SEC24C: variants seen among roughly 807,000 people sequenced by gnomAD.
SEC24C encodes protein transport protein Sec24C.
A neutral mutation model predicts 117.0 loss-of-function variants in SEC24C; 22 were observed. That is an observed-to-expected ratio of 0.19 (90% CI 0.13 to 0.27). The LOEUF (loss-of-function observed/expected upper bound fraction) is 0.27, where lower values mean the gene tolerates loss of function less well. Ranked by LOEUF, SEC24C falls within the 10% of genes least tolerant of loss-of-function variation. SEC24C has a pLI of 1.00. For missense variants in SEC24C, 1,155 were observed against 1,375.1 expected (o/e 0.84, Z 2.53); for synonymous variants, 506 against 529.4 (o/e 0.96, Z 0.61).
At chr10:73,752,170 A>G (rs1404071931) in intron 3 of SEC24C, 1 of 152,040 alleles carries the variant, frequency 6.6e-6, no homozygotes, top group Non-Finnish European at 1.5e-5. Flanking sequence ...GGCCCAAGCT[A>G]GAGTGCAGTG....
At chr10:73,757,864 C>T (rs2082733893) in intron 3 of SEC24C, among the ~76,000 whole-genome samples, 1 of 139,002 alleles carries the variant, frequency 7.2e-6, no homozygotes, top group African/African-American at 2.7e-5. Context: ...TGCAGTGAGC[C>T]ACAGATAGTG....
chr10:73,758,630 T>C (rs374560098), intron 3 of SEC24C, among the ~76,000 whole-genome samples: 5 of 152,376 alleles, frequency 3.3e-5, no homozygotes, highest in African/African-American at 1.2e-4. Context: ...TTCCCTATTC[T>C]GGACTTTTCA....
In SEC24C at chr10:73,760,373, G is replaced by A; in HGVS notation, c.837G>A (p.Gln279=). ...ACTCCCCGCAGCAGCCAGGCTATCA[G>A]CCCCAACAAAATGGTGAGTCTTTCC... is the stretch of plus-strand genomic sequence containing the variant. ...PMHSPQQPGY[Q]PQQNGSFGPA... The change falls in exon 5 of 23, where the codon CAG becomes CAA. Residue 279 remains glutamine (Q), a synonymous_variant. Transcript: ENST00000345254. 6.3e-7 allele frequency: 1 copy of A among 1,592,614 alleles called. No homozygotes were observed. The highest frequency in any genetic ancestry group is 8.5e-7 in the Non-Finnish European group (1 of 1,170,696).
At position 73,760,841 on chromosome 10, in the gene SEC24C, C is replaced by G; in HGVS notation, c.979C>G (p.Pro327Ala). ...TAAGCGCCTGGACCCTGATGCCATC[C>G]CAAGCCCTGTAAGTAGAAACTTTCA... ...PPKRLDPDAI[P>A]SPIQVIEDDR... Residue 327 changes from proline to alanine, a missense_variant, in exon 6 of 23, where the codon CCA becomes GCA. Around this residue, in one of 2 missense-constraint regions of SEC24C, gnomAD observed 759 missense variants for 992.3 expected, o/e 0.76. Transcript: ENST00000345254. 6.2e-7 allele frequency: 1 copy of G among 1,610,408 alleles called. No individual in the cohort carries two copies. Among genetic ancestry groups the G allele is most frequent in the South Asian group, 1.1e-5 (1 of 90,492 alleles).
chr10:73,744,650 C>G (rs1042135916), intron 1 of SEC24C, among the ~76,000 whole-genome samples: 2 of 152,140 alleles, frequency 1.3e-5, no homozygotes, highest in African/African-American at 2.4e-5. Context: ...CTTCCTGCCC[C>G]GAGCCTGTTA....
At chr10:73,763,667 C>CTTTGTTTTTTTT (rs2082832114) in intron 7 of SEC24C, 66 bp downstream of exon 7, 1 of 58,202 alleles carries the variant, frequency 1.7e-5, no homozygotes, top group African/African-American at 1.2e-4. Context: ...ATGGTTGGGG[C>CTTTGTTTTTTTT]TTTTTTTTTT....
At chr10:73,766,638 A>C (rs1018619626) in intron 12 of SEC24C, 97 bp downstream of exon 12, 1 of 1,464,162 alleles carries the variant, frequency 6.8e-7, no homozygotes, top group African/African-American at 1.4e-5. Flanking sequence ...GTAGATGGAA[A>C]GGGGTTGTGG....
At chr10:73,762,924 A>G (rs1302299454) in intron 6 of SEC24C, among the ~76,000 whole-genome samples, 1 of 152,190 alleles carries the variant, frequency 6.6e-6, no homozygotes, top group Non-Finnish European at 1.5e-5. Context: ...ATTGATGCTT[A>G]CCTGAAAGTA....
At chr10:73,753,551 C>T (rs1229887683) in intron 3 of SEC24C, among the ~76,000 whole-genome samples, 1 of 152,130 alleles carries the variant, frequency 6.6e-6, no homozygotes, top group Non-Finnish European at 1.5e-5. Flanking sequence ...GCTTGTTGTC[C>T]TAGCTACTTT....
rs112709806 is a variant in SEC24C at position 73,770,538 on chromosome 10, TA to T, written c.3054+68del. 2.1e-3 allele frequency: 3,339 copies of T among 1,571,248 alleles called. 60 individuals are homozygous for T. In the African/African-American group the frequency reaches 0.039, roughly 18 times the overall value. Reference sequence around the variant, plus strand: ...ACTTTGTGAAACAATTGGGAGCCAATATAGTTAGTGTGCTAGTACCCTCAAA... The same window carrying T: ...ACTTTGTGAAACAATTGGGAGCCAATTAGTTAGTGTGCTAGTACCCTCAAA... On this transcript the variant is annotated intron_variant, in intron 21 of 22. Transcript: ENST00000345254.
At chr10:73,764,480 C>T (rs1212246130) in intron 8 of SEC24C, among the ~76,000 whole-genome samples, 2 of 148,478 alleles carry the variant, frequency 1.3e-5, no homozygotes, top group Middle Eastern at 3.3e-3. Flanking sequence ...GGCGAGATTG[C>T]ACCACTGCAC....
intron 3 of SEC24C, among the ~76,000 whole-genome samples, chr10:73,756,750 C>A (rs2082715716): frequency 6.6e-6 from 1 of 151,818 alleles, no homozygotes; most frequent in Non-Finnish European, 1.5e-5. Flanking sequence ...CCAGGCATGA[C>A]CACCATGCCA....
Position 73,757,398 on chromosome 10 carries a change from G to A in SEC24C, c.309-2224G>A, listed in dbSNP as rs72814350. ...ATAGCTGAGCATTGTTGGTGTGCCT[G>A]GGAAGCAGAGGTGGAGGCAGGAGGA... On this transcript the variant is annotated intron_variant, in intron 3 of 22. Transcript: ENST00000345254. Among the ~76,000 whole-genome samples the A allele has an allele frequency of 9.0e-3, 1,351 of 150,452 alleles. 15 individuals carry two copies. The highest frequency in any genetic ancestry group is 0.016 in the Non-Finnish European group (1,068 of 67,472).
In SEC24C at chr10:73,769,346, G is replaced by C; in HGVS notation, c.2425-1G>C. ...AGTTCCCCCTTTCTCCTTTCCCCTA[G>C]TGTGCCCTGCTTTACACCAGCTGTG... On this transcript the variant is annotated splice_acceptor_variant, in intron 17 of 22. Coordinates refer to ENST00000345254, the MANE Select transcript of SEC24C (RefSeq NM_198597.3). LOFTEE classifies it high-confidence loss of function. This position sits in a 1 kb window ranked among gnomAD's most constrained non-coding sequence, Gnocchi z 4.5. 6.2e-7 allele frequency: 1 copy of C among 1,613,834 alleles called. No homozygotes were observed. Among genetic ancestry groups the C allele is most frequent in the Non-Finnish European group, 8.5e-7 (1 of 1,179,904 alleles).
intron 10 of SEC24C, 70 bp downstream of exon 10, chr10:73,765,985 T>C (rs2082876427): frequency 1.3e-6 from 2 of 1,578,792 alleles, no homozygotes; most frequent in Admixed American, 1.7e-5. Context: ...GCTGTTATCA[T>C]TTCCCTCACC....
Position 73,769,989 on chromosome 10 carries a change from T to G in SEC24C, c.2836T>G (p.Phe946Val), listed in dbSNP as rs201728396. ...CATGGATGTGACTGAGACCAATGTC[T>G]TCTTCTACCCTCGGCTCTTACCTTT... ...TSMDVTETNV[F>V]FYPRLLPLTK... Residue 946 changes from phenylalanine (F) to valine (V), a missense_variant, in exon 20 of 23, where the codon TTC (phenylalanine) becomes GTC (valine). Phe to Val is a conservative substitution (Grantham distance 50). Transcript: ENST00000345254. This position sits in a 1 kb window ranked among gnomAD's most constrained non-coding sequence, Gnocchi z 4.5. 5.9e-5 allele frequency: 95 copies of G among 1,614,096 alleles called. No homozygotes were observed. The highest frequency in any genetic ancestry group is 6.8e-5 in the Non-Finnish European group (80 of 1,180,040).
intron 3 of SEC24C, among the ~76,000 whole-genome samples, chr10:73,753,264 C>G (rs533008891): frequency 6.6e-6 from 1 of 152,272 alleles, no homozygotes; most frequent in African/African-American, 2.4e-5. Flanking sequence ...GTTGGACAGG[C>G]TGGTCTCGAA....
chr10:73,764,505 C>G (rs1306289254), intron 8 of SEC24C, among the ~76,000 whole-genome samples: 2 of 136,382 alleles, frequency 1.5e-5, no homozygotes, highest in Non-Finnish European at 3.1e-5. Context: ...GCCTGGGCAA[C>G]AGAGCGAGAC....
In SEC24C at chr10:73,769,225, A is replaced by G; in HGVS notation, c.2424+73A>G. Reference sequence around the variant, plus strand: ...GTATAGAAGAGGGTGAGGAATGGGTAGAGAGCACTAAAAGAAGAGACAGGG... The same window carrying G: ...GTATAGAAGAGGGTGAGGAATGGGTGGAGAGCACTAAAAGAAGAGACAGGG... On this transcript the variant is annotated intron_variant, in intron 17 of 22. Coordinates refer to ENST00000345254, the MANE Select transcript of SEC24C (RefSeq NM_198597.3). The surrounding 1 kb of genome is among the most constrained non-coding windows in gnomAD (Gnocchi z 4.5). The G allele has an allele frequency of 6.3e-7, 1 of 1,593,616 alleles. No homozygotes were observed. The highest frequency in any genetic ancestry group is 8.6e-7 in the Non-Finnish European group (1 of 1,168,698).
Sources: allele counts gnomAD v4.1 joint callset (sites outside exome capture counted in the v4.1 genomes callset), GRCh38; gene constraint gnomAD v4.1.1; regional missense constraint gnomAD v4.1.1; non-coding constraint Gnocchi (gnomAD v3.1); transcripts MANE v1.5; gene names NCBI Gene and HGNC (gene_info 2026-07-23, HGNC 2026-07-21).